PRDM1: variants seen among roughly 807,000 people sequenced by gnomAD.
PRDM1 encodes the protein PR/SET domain 1.
In PRDM1, 13 loss-of-function variants were observed where a neutral mutation model predicts 62.8. That is an observed-to-expected ratio of 0.21 (90% CI 0.13 to 0.33). The LOEUF is 0.33. Ranked by LOEUF, PRDM1 falls within the 10% of genes least tolerant of loss-of-function variation. The probability of loss-of-function intolerance (pLI) is 1.00; values close to 1 mark genes in which losing one functional copy is unlikely to be tolerated. For synonymous variants in PRDM1, 396 were observed against 417.6 expected (o/e 0.95, Z 0.63); for missense variants, 895 against 1,058.8 (o/e 0.85, Z 2.15).
At chr6:106,017,769 C>T (rs1336002409) in intron 1 of PRDM1, among the ~76,000 whole-genome samples, 2 of 152,216 alleles carry the variant, frequency 1.3e-5, no homozygotes, top group South Asian at 2.1e-4. Flanking sequence ...CATCTCCTCA[C>T]GGTTGACTCT....
chr6:106,034,397 TC>T (rs1772893093), intron 1 of PRDM1, among the ~76,000 whole-genome samples: 2 of 152,164 alleles, frequency 1.3e-5, no homozygotes, highest in Admixed American at 1.3e-4. Flanking sequence ...CTAAAAATTT[TC>T]CCCCTTAGCA....
intron 1 of PRDM1, among the ~76,000 whole-genome samples, chr6:106,031,178 C>G (rs1462508744): frequency 6.6e-6 from 1 of 152,122 alleles, no homozygotes; most frequent in African/African-American, 2.4e-5. Context: ...ATATATTGAA[C>G]AACTTCTGTG....
chr6:106,044,067 T>C (rs968254044), upstream of PRDM1, among the ~76,000 whole-genome samples: 4 of 152,200 alleles, frequency 2.6e-5, no homozygotes, highest in African/African-American at 9.6e-5. Flanking sequence ...AATATGTACT[T>C]GTATATCTCA....
At chr6:106,071,332 A>T (rs556618639) in intron 1 of PRDM1, among the ~76,000 whole-genome samples, 1 of 152,238 alleles carries the variant, frequency 6.6e-6, no homozygotes, top group African/African-American at 2.4e-5. Flanking sequence ...AATGAGGAGA[A>T]TTATATGTAT....
Position 106,107,102 on chromosome 6 carries a change from T to C in PRDM1, c.2094T>C (p.His698=), listed in dbSNP as rs1774513588. ...KCSQCHKNYI[H]LCSLKVHLKG... ...CCCAGTGCCACAAGAACTACATCCA[T>C]CTCTGTAGCCTCAAGGTTCACCTGA... The change falls in exon 7 of 7, where the codon CAT becomes CAC. Residue 698 remains histidine (H), a synonymous_variant. Coordinates refer to ENST00000369096, the MANE Select transcript of PRDM1 (RefSeq NM_001198.4). The C allele has an allele frequency of 6.2e-7, 1 of 1,614,018 alleles. No homozygotes were observed. The highest frequency in any genetic ancestry group is 1.3e-5 in the African/African-American group (1 of 74,890).
chr6:106,011,269 C>T (rs1187226502), intron 1 of PRDM1, among the ~76,000 whole-genome samples: 1 of 152,192 alleles, frequency 6.6e-6, no homozygotes, highest in Non-Finnish European at 1.5e-5. Context: ...TCTGAGGAAC[C>T]TCTGTTGCTG....
chr6:106,014,889 G>A (rs561304517), intron 1 of PRDM1, among the ~76,000 whole-genome samples: 4 of 152,238 alleles, frequency 2.6e-5, no homozygotes, highest in African/African-American at 7.2e-5. Flanking sequence ...CAGGGGTTTT[G>A]CTTTGTCTTG....
At chr6:106,049,869 G>A (rs1013880901) in intron 1 of PRDM1, among the ~76,000 whole-genome samples, 6 of 152,162 alleles carry the variant, frequency 3.9e-5, no homozygotes, top group Admixed American at 2.0e-4. Context: ...TCGATTGTCC[G>A]TTTCTCTTTA....
upstream of PRDM1, among the ~76,000 whole-genome samples, chr6:106,086,151 T>C (rs1773795104): frequency 6.6e-6 from 1 of 152,118 alleles, no homozygotes; most frequent in Non-Finnish European, 1.5e-5. Flanking sequence ...CAAAGGGAAG[T>C]AAGAAGATTC....
upstream of PRDM1, among the ~76,000 whole-genome samples, chr6:106,081,663 C>T (rs896849776): frequency 9.2e-5 from 14 of 152,156 alleles, no homozygotes; most frequent in Non-Finnish European, 2.1e-4. Flanking sequence ...TCTCTTCTAT[C>T]CTAACTTACC....
chr6:106,054,498 A>G (rs1381217376), intron 1 of PRDM1, among the ~76,000 whole-genome samples: 1 of 152,206 alleles, frequency 6.6e-6, no homozygotes, highest in Admixed American at 6.5e-5. Context: ...GAATATGTCA[A>G]GTATTCTAAA....
chr6:106,000,700 T>G (rs1772415970), intron 1 of PRDM1, among the ~76,000 whole-genome samples: 3 of 152,196 alleles, frequency 2.0e-5, no homozygotes, highest in Admixed American at 2.0e-4. Flanking sequence ...TAACTAAGCA[T>G]TATGTTTTTC....
At chr6:106,020,420 C>T (rs980554268) in intron 1 of PRDM1, among the ~76,000 whole-genome samples, 6 of 152,104 alleles carry the variant, frequency 3.9e-5, no homozygotes, top group Non-Finnish European at 7.4e-5. Context: ...CCGCCTCGGC[C>T]TCCCAAAGTG....
chr6:106,026,638 G>C (rs1772770994), intron 1 of PRDM1, among the ~76,000 whole-genome samples: 1 of 152,204 alleles, frequency 6.6e-6, no homozygotes, highest in African/African-American at 2.4e-5. Flanking sequence ...TGGCTGTCCA[G>C]TGTGGATGGA....
intron 1 of PRDM1, among the ~76,000 whole-genome samples, chr6:106,066,804 T>C (rs1461425764): frequency 6.6e-6 from 1 of 152,352 alleles, no homozygotes; most frequent in East Asian, 1.9e-4. Flanking sequence ...GTAAGTAATG[T>C]CAGTTATGGA....
intron 1 of PRDM1, among the ~76,000 whole-genome samples, chr6:106,063,715 A>T (rs1397796688): frequency 1.3e-5 from 2 of 152,192 alleles, no homozygotes; most frequent in East Asian, 3.8e-4. Context: ...GATTAAAAAG[A>T]TGGGGCAAGG....
intron 2 of PRDM1, among the ~76,000 whole-genome samples, chr6:106,091,246 T>C (rs1773951408): frequency 1.3e-5 from 2 of 152,212 alleles, no homozygotes; most frequent in Non-Finnish European, 2.9e-5. Flanking sequence ...CACCTCCCTG[T>C]ATCGTGGCTG....
chr6:106,058,946 G>A (rs1582443645), intron 1 of PRDM1, among the ~76,000 whole-genome samples: 1 of 152,128 alleles, frequency 6.6e-6, no homozygotes, highest in Non-Finnish European at 1.5e-5. Flanking sequence ...AAGATCACTC[G>A]ATGAACCAAA....
At position 106,053,923 on chromosome 6, in the gene PRDM1, T is replaced by C. The variant is rs562173015; in HGVS notation, c.-67+5209T>C. 7.9e-5 allele frequency among the ~76,000 whole-genome samples: 12 copies of C among 151,984 alleles called. No individual in the cohort carries two copies. In the South Asian group the frequency reaches 1.0e-3, roughly 13 times the overall value. Reference sequence around the variant, plus strand: ...CTAGTTTACAGAGTGGTGAGATCTTTTGAATGAGTGTCTAGAGTACAAAGG... The same window carrying C: ...CTAGTTTACAGAGTGGTGAGATCTTCTGAATGAGTGTCTAGAGTACAAAGG... On this transcript the variant is annotated intron_variant, in intron 1 of 6. Coordinates refer to the PRDM1 transcript ENST00000651185.
Sources: gnomAD v4.1 joint callset for allele counts (sites outside exome capture counted in the v4.1 genomes callset) on GRCh38, gnomAD v4.1.1 for gene constraint, MANE v1.5 for transcripts, NCBI Gene and HGNC (gene_info 2026-07-23, HGNC 2026-07-21) for gene names.